Variants in COL12A1 observed in about 807,000 individuals in gnomAD.
The protein encoded by COL12A1 is collagen type XII alpha 1 chain.
COL12A1 carries 114 observed loss-of-function variants against 349.7 expected under a neutral mutation model. The ratio of observed to expected loss-of-function variants is 0.33; its 90% confidence interval spans 0.28 to 0.38. COL12A1 has a LOEUF of 0.38. Among genes scored for constraint, COL12A1 ranks in the 10% least tolerant of loss-of-function variants. The probability of loss-of-function intolerance (pLI) is 1.00; values close to 1 mark genes in which losing one functional copy is unlikely to be tolerated. For synonymous variants in COL12A1, 1,369 were observed against 1,329.0 expected (o/e 1.03, Z -0.66); for missense variants, 3,284 against 3,756.9 (o/e 0.87, Z 3.29).
rs779833436 is a variant in COL12A1, at chr6:75,132,027, G to A, written c.5850C>T (p.Leu1950=). ...CTGGAGCAGGGTCCCAGCGAACATC[G>A]AGGCTGTTAGGTGTAGGATTGTATA... ...VQVYNPTPNS[L]DVRWDPAPGP... is the part of the protein sequence containing the mutation. The change falls in exon 35 of 66, where the codon CTC becomes CTT. Residue 1950 remains leucine, a synonymous_variant. Coordinates refer to ENST00000322507, the MANE Select transcript of COL12A1 (RefSeq NM_004370.6). 19 of 1,614,020 alleles carry A rather than the reference G, an allele frequency of 1.2e-5. No individual in the cohort carries two copies. Among genetic ancestry groups the A allele is most frequent in the Middle Eastern group, 1.6e-4 (1 of 6,084 alleles).
At chr6:75,134,891 G>A in intron 31 of COL12A1, 36 bp from the exon 32 acceptor site, 1 of 1,591,940 alleles carries the variant, frequency 6.3e-7, no homozygotes, top group Non-Finnish European at 8.6e-7. Flanking sequence ...TGTCAGCCTT[G>A]CTCTCTCCAT....
rs73747434 is a variant in COL12A1 at position 75,170,463 on chromosome 6, G to A, written c.2710+4575C>T. Among the ~76,000 whole-genome samples, 708 of 152,194 alleles carry A rather than the reference G, an allele frequency of 4.7e-3. 6 individuals are homozygous for A. The highest frequency in any genetic ancestry group is 0.016 in the African/African-American group (675 of 41,510). On this transcript the variant is annotated intron_variant, in intron 13 of 65. Coordinates refer to ENST00000322507, the MANE Select transcript of COL12A1 (RefSeq NM_004370.6). ...ATGAATTAGAGCCACCATTCCAAAG[G>A]ACAAAGTTCACTATTGATAAGTTAA...
At chr6:75,199,917 T>C (rs968795649) in intron 2 of COL12A1, among the ~76,000 whole-genome samples, 9 of 152,190 alleles carry the variant, frequency 5.9e-5, no homozygotes, top group Non-Finnish European at 8.8e-5. Flanking sequence ...AACATTTTAA[T>C]GTTTTCAAAA....
chr6:75,099,621 AATTTT>A (rs201367921), intron 58 of COL12A1, among the ~76,000 whole-genome samples: 7,299 of 152,230 alleles, frequency 0.048, 558 homozygotes, highest in African/African-American at 0.16. Flanking sequence ...TTTGTGCCAC[AATTTT>A]ATTTTATTCT....
chr6:75,127,058 T>C (rs112901836), intron 38 of COL12A1, among the ~76,000 whole-genome samples: 2 of 152,234 alleles, frequency 1.3e-5, no homozygotes, highest in Admixed American at 6.5e-5. Context: ...TTCACAGCAT[T>C]GCGCAAATAA....
chr6:75,193,203 C>G (rs1450734204), intron 3 of COL12A1, among the ~76,000 whole-genome samples: 1 of 152,068 alleles, frequency 6.6e-6, no homozygotes, highest in East Asian at 1.9e-4. Context: ...TTGGGTAGCC[C>G]CAGTGCCAGT....
intron 2 of COL12A1, among the ~76,000 whole-genome samples, chr6:75,200,966 C>CAT (rs1431269088): frequency 1.3e-5 from 2 of 151,516 alleles, no homozygotes; most frequent in Admixed American, 6.6e-5. Flanking sequence ...AGAGCTGTAC[C>CAT]ATATGGAAAT....
intron 59 of COL12A1, among the ~76,000 whole-genome samples, chr6:75,097,016 G>A (rs2149336999): frequency 6.6e-6 from 1 of 151,892 alleles, no homozygotes; most frequent in South Asian, 2.1e-4. Flanking sequence ...CTGGTAGCCA[G>A]TTAGTTAGGG....
At position 75,202,770 on chromosome 6, in the gene COL12A1, G is replaced by A. The variant is rs1300850915; in HGVS notation, c.23C>T (p.Ala8Val). 1 of 1,551,860 alleles carries A rather than the reference G, an allele frequency of 6.4e-7. No individual in the cohort carries two copies. The highest frequency in any genetic ancestry group is 8.7e-7 in the Non-Finnish European group (1 of 1,147,026). Residue 8 changes from alanine to valine, a missense_variant, in exon 2 of 66, where the codon GCG (alanine) becomes GTG (valine). Coordinates refer to ENST00000322507, the MANE Select transcript of COL12A1 (RefSeq NM_004370.6). MRSRLPP[A>V]LAALGAALLL... ...CAGGGCCGCGCCCAGGGCGGCAAGC[G>A]CTGGGGGAAGCCTACTCCGCATCCT...
chr6:75,204,503 T>C (rs1770677434), intron 1 of COL12A1, among the ~76,000 whole-genome samples: 1 of 152,208 alleles, frequency 6.6e-6, no homozygotes, highest in Non-Finnish European at 1.5e-5. Context: ...CGTCAATATA[T>C]GTTTTAAAAA....
intron 13 of COL12A1, among the ~76,000 whole-genome samples, chr6:75,167,948 G>A (rs1768394958): frequency 6.6e-6 from 1 of 152,120 alleles, no homozygotes; most frequent in African/African-American, 2.4e-5. Context: ...TTAATGGCAT[G>A]ACAACACTAT....
At chr6:75,190,967 T>A (rs1562312732) in intron 5 of COL12A1, among the ~76,000 whole-genome samples, 1 of 151,956 alleles carries the variant, frequency 6.6e-6, no homozygotes, top group Non-Finnish European at 1.5e-5. Context: ...TTTGTGTTTA[T>A]AATCTTTTTA....
chr6:75,138,851 C>A lies in COL12A1; in HGVS notation c.5068G>T (p.Ala1690Ser). ...ATCTTATCTGAGCTTCCAAAAGGTG[C>A]CCAAGTTATTCTGTAGAGAGACACA... is the stretch of plus-strand genomic sequence containing the variant. ...SDVSLYRITW[A>S]PFGSSDKMET... Residue 1690 changes from alanine (A) to serine (S), a missense_variant, in exon 28 of 66, where the codon GCA becomes TCA. By Grantham distance (99) the Ala-to-Ser change is moderately conservative. Transcript: ENST00000322507. 2 of 1,613,998 alleles carry A rather than the reference C, an allele frequency of 1.2e-6. No homozygotes were observed. The highest frequency in any genetic ancestry group is 2.7e-5 in the African/African-American group (2 of 75,018).
intron 14 of COL12A1, among the ~76,000 whole-genome samples, chr6:75,157,147 T>C (rs1767805644): frequency 6.6e-6 from 1 of 152,176 alleles, no homozygotes; most frequent in Non-Finnish European, 1.5e-5. Context: ...ATCAATAATA[T>C]GTAATTATTA....
Position 75,133,932 on chromosome 6 carries a change from A to G in COL12A1, c.5590T>C (p.Trp1864Arg). 1 of 1,614,148 alleles carries G rather than the reference A, an allele frequency of 6.2e-7. No individual in the cohort carries two copies. The highest frequency in any genetic ancestry group is 8.5e-7 in the Non-Finnish European group (1 of 1,179,986). ...DPSTSTLNVR[W>R]DHAEGNPRQY... ...CGAGGATTTCCCTCTGCATGGTCCC[A>G]GCGGACATTCAAGGTGCTGGTAGAA... Residue 1864 changes from tryptophan (W) to arginine (R), a missense_variant, in exon 33 of 66, where the codon TGG (tryptophan) becomes CGG (arginine). Coordinates refer to ENST00000322507, the MANE Select transcript of COL12A1 (RefSeq NM_004370.6).
At position 75,175,152 on chromosome 6, in the gene COL12A1, T is replaced by C; in HGVS notation, c.2596A>G (p.Thr866Ala). The change falls in exon 13 of 66, where the codon ACC becomes GCC. Residue 866 changes from threonine (T) to alanine (A), a missense_variant. This residue lies in a region of COL12A1 where 2,601 missense variants were observed against 2,824.8 expected (regional missense o/e 0.92). Transcript: ENST00000322507. ...TTCAATCCCTGCAGCACCGTATTGG[T>C]TGTATCTCCCCTCACAGTGACCTCT... ...TQEVTVRGDT[T>A]NTVLQGLKEG... 6.2e-7 allele frequency: 1 copy of C among 1,614,196 alleles called. No individual in the cohort carries two copies.
Position 75,151,889 on chromosome 6 carries a change from C to T in COL12A1, c.3978G>A (p.Glu1326=), listed in dbSNP as rs1767509693. 3 of 1,613,776 alleles carry T rather than the reference C, an allele frequency of 1.9e-6. No homozygotes were observed. The highest frequency in any genetic ancestry group is 2.5e-6 in the Non-Finnish European group (3 of 1,179,756). The change falls in exon 20 of 66, where the codon GAG becomes GAA. Residue 1326 remains glutamate (E), a synonymous_variant. Coordinates refer to ENST00000322507, the MANE Select transcript of COL12A1 (RefSeq NM_004370.6). ...VEAPSKKLKD[E]GVELFAIGIK... ...TACCAATAGCAAACAGCTCCACTCCCTCATCCTTGAGTTTCTTTGAAGGTG... is the reference window on the plus strand; with the variant it reads ...TACCAATAGCAAACAGCTCCACTCCTTCATCCTTGAGTTTCTTTGAAGGTG...
chr6:75,205,020 G>A (rs1312417501), intron 1 of COL12A1, among the ~76,000 whole-genome samples: 1 of 151,896 alleles, frequency 6.6e-6, no homozygotes, highest in Non-Finnish European at 1.5e-5. Flanking sequence ...TACCTGTTCC[G>A]CTCGCTGAAC....
At chr6:75,204,149 G>A (rs1041198650) in intron 1 of COL12A1, among the ~76,000 whole-genome samples, 2 of 152,176 alleles carry the variant, frequency 1.3e-5, no homozygotes, top group Non-Finnish European at 2.9e-5. Context: ...AAGGGGTCTA[G>A]CAATTTCTTT....
Sources: gnomAD v4.1 joint callset for allele counts (sites outside exome capture counted in the v4.1 genomes callset) on GRCh38, gnomAD v4.1.1 for gene constraint, gnomAD v4.1.1 regional missense constraint, MANE v1.5 for transcripts, NCBI Gene and HGNC (gene_info 2026-07-23, HGNC 2026-07-21) for gene names.